ANLN: variants seen among roughly 807,000 people sequenced by gnomAD.
ANLN encodes the protein anillin, actin binding protein.
In ANLN, 59 loss-of-function variants were observed where a neutral mutation model predicts 135.1. The ratio of observed to expected loss-of-function variants is 0.44; its 90% CI spans 0.35 to 0.54. The LOEUF is 0.54. Ranked by LOEUF, ANLN falls within the 20% of genes least tolerant of loss-of-function variation. The probability of loss-of-function intolerance (pLI) is 0.00; values close to 1 mark genes in which losing one functional copy is unlikely to be tolerated. For missense variants in ANLN, 1,182 were observed against 1,340.0 expected, an observed-to-expected ratio of 0.88 and a Z score of 1.84; for synonymous variants, 406 against 456.4, an observed-to-expected ratio of 0.89 and a Z score of 1.41.
At chr7:36,431,495 TGTTA>T (rs1788304067) in intron 20 of ANLN, among the ~76,000 whole-genome samples, 1 of 150,844 alleles carries the variant, frequency 6.6e-6, no homozygotes, top group African/African-American at 2.4e-5. Flanking sequence ...CAGAAGTCAA[TGTTA>T]CTTTAGATAT....
rs1383805578 is a variant in ANLN, at chr7:36,452,494, A to G, written c.3269A>G (p.Asp1090Gly). Residue 1090 changes from aspartate to glycine, a missense_variant, in exon 24 of 24, where the codon GAT becomes GGT. By Grantham distance (94) the Asp-to-Gly change is moderately conservative. This residue lies in a region of ANLN where 78 missense variants were observed against 72.7 expected (regional missense o/e 1.07). Coordinates refer to ENST00000265748, the MANE Select transcript of ANLN (RefSeq NM_018685.5). ...LCVTKNWLSA[D>G]TKEERDLWMQ... ...TCCTGTAGGAACTGGCTGTCTGCAG[A>G]TACTAAAGAAGAGCGGGATCTCTGG... 1.2e-6 allele frequency: 2 copies of G among 1,614,064 alleles called. No individual in the cohort carries two copies. The highest frequency in any genetic ancestry group is 1.7e-5 in the Admixed American group (1 of 60,018).
At chr7:36,425,276 A>G (rs1788033772) in intron 17 of ANLN, among the ~76,000 whole-genome samples, 1 of 151,170 alleles carries the variant, frequency 6.6e-6, no homozygotes, top group Non-Finnish European at 1.5e-5. Context: ...TAATGTATTC[A>G]TATTTAAGAA....
At chr7:36,421,229 G>A (rs1258009430) in intron 12 of ANLN, among the ~76,000 whole-genome samples, 2 of 151,922 alleles carry the variant, frequency 1.3e-5, no homozygotes, top group African/African-American at 4.8e-5. Flanking sequence ...CACCACACCT[G>A]GCTAATTTTT....
At chr7:36,415,717 G>A (rs1787610723) in intron 7 of ANLN, 41 bp from the exon 8 acceptor site, 1 of 1,538,106 alleles carries the variant, frequency 6.5e-7, no homozygotes, top group Admixed American at 2.2e-5. Flanking sequence ...AAAATATATA[G>A]TTTTGAGAAA....
At chr7:36,432,297 G>T (rs1788363924) in intron 20 of ANLN, among the ~76,000 whole-genome samples, 1 of 152,176 alleles carries the variant, frequency 6.6e-6, no homozygotes, top group Non-Finnish European at 1.5e-5. Context: ...TTTCTTAATG[G>T]TGTCTGGGAA....
chr7:36,389,964 C>T lies in ANLN; in HGVS notation c.-63C>T. Reference sequence around the variant, plus strand: ...CCAGGAGACACACTGAGCTGAGACTCACTTTTCTCTTCCTGAATTTGAACC... The same window carrying T: ...CCAGGAGACACACTGAGCTGAGACTTACTTTTCTCTTCCTGAATTTGAACC... On this transcript the variant is annotated 5_prime_UTR_variant, in exon 1 of 24. Coordinates refer to ENST00000265748, the MANE Select transcript of ANLN (RefSeq NM_018685.5). 6.2e-7 allele frequency: 1 copy of T among 1,614,058 alleles called. No individual in the cohort carries two copies. Among genetic ancestry groups the T allele is most frequent in the South Asian group, 1.1e-5 (1 of 91,080 alleles).
intron 7 of ANLN, among the ~76,000 whole-genome samples, chr7:36,413,441 G>A (rs1253949603): frequency 3.3e-5 from 5 of 152,158 alleles, no homozygotes; most frequent in Admixed American, 2.0e-4. Flanking sequence ...TGTTGGGAGC[G>A]CCTTCTTTAC....
At position 36,452,637 on chromosome 7, in the gene ANLN, G is replaced by T; in HGVS notation, c.*37G>T. 1 of 1,605,918 alleles carries T rather than the reference G, an allele frequency of 6.2e-7. No homozygotes were observed. Among genetic ancestry groups the T allele is most frequent in the Non-Finnish European group, 8.5e-7 (1 of 1,174,866 alleles). On this transcript the variant is annotated 3_prime_UTR_variant, in exon 24 of 24. Coordinates refer to ENST00000265748, the MANE Select transcript of ANLN (RefSeq NM_018685.5). ...TCCATGCTATCTAGAGGTTTTTGAT[G>T]TCATCTTAAGAAACACACTTAAGAG... is the stretch of plus-strand genomic sequence containing the variant.
intron 20 of ANLN, among the ~76,000 whole-genome samples, chr7:36,432,094 C>T (rs1187306141): frequency 6.6e-6 from 1 of 152,120 alleles, no homozygotes; most frequent in East Asian, 1.9e-4. Context: ...TGGTGGTACA[C>T]ACCTGTAGCC....
At chr7:36,449,380 T>G (rs1009858945) in intron 22 of ANLN, 2 of 207,594 alleles carry the variant, frequency 9.6e-6, no homozygotes, top group Non-Finnish European at 1.9e-5. Context: ...TACCTGGGGC[T>G]CATTATACTG....
At chr7:36,392,019 A>G (rs1583584796) in intron 1 of ANLN, among the ~76,000 whole-genome samples, 1 of 152,124 alleles carries the variant, frequency 6.6e-6, no homozygotes, top group Non-Finnish European at 1.5e-5. Flanking sequence ...CATAACGTCA[A>G]GAGTTTGAAG....
At chr7:36,433,463 G>GTTT (rs34773574) in intron 20 of ANLN, among the ~76,000 whole-genome samples, 3 of 151,784 alleles carry the variant, frequency 2.0e-5, no homozygotes, top group African/African-American at 4.8e-5. Context: ...ATTCTTTTCT[G>GTTT]TTTTTTTATT....
rs756843420 is a variant in ANLN, at chr7:36,439,234, A to G, written c.2914A>G (p.Ile972Val). Reference sequence around the variant, plus strand: ...CTTTTTATCTTCTTTGGAAGGTCATATTTATTTAAAAATAAAATGTCAAGT... The same window carrying G: ...CTTTTTATCTTCTTTGGAAGGTCATGTTTATTTAAAAATAAAATGTCAAGT... Reference protein sequence around the residue: ...VPFLSSLEGHIYLKIKCQVNS... With the variant: ...VPFLSSLEGHVYLKIKCQVNS... The change falls in exon 21 of 24, where the codon ATT (isoleucine) becomes GTT (valine). Residue 972 changes from isoleucine to valine, a missense_variant. Coordinates refer to ENST00000265748, the MANE Select transcript of ANLN (RefSeq NM_018685.5). The G allele has an allele frequency of 2.5e-5, 40 of 1,596,652 alleles. No homozygotes were observed. The highest frequency in any genetic ancestry group is 3.3e-5 in the Non-Finnish European group (39 of 1,168,394).
At chr7:36,410,492 A>G in intron 5 of ANLN, 22 bp from the exon 6 acceptor site, 2 of 1,558,372 alleles carry the variant, frequency 1.3e-6, no homozygotes, top group Non-Finnish European at 1.7e-6. Flanking sequence ...ATAGCCTCCA[A>G]AAATGTGTGT....
intron 5 of ANLN, among the ~76,000 whole-genome samples, chr7:36,410,217 T>G (rs1382872454): frequency 1.3e-5 from 2 of 152,296 alleles, no homozygotes; most frequent in African/African-American, 4.8e-5. Flanking sequence ...ATTTAAATTC[T>G]GGTTGTTCAG....
At chr7:36,428,346 T>C (rs1216126470) in intron 20 of ANLN, 1 of 1,285,314 alleles carries the variant, frequency 7.8e-7, no homozygotes, top group East Asian at 5.6e-5. Context: ...ACTGGGCTAT[T>C]TGTTCCAGGA....
intron 20 of ANLN, among the ~76,000 whole-genome samples, chr7:36,429,443 A>G (rs545047765): frequency 1.5e-4 from 22 of 151,200 alleles, no homozygotes; most frequent in African/African-American, 4.1e-4. Flanking sequence ...CTAGTCTTGA[A>G]CTCCCAACCT....
At chr7:36,398,882 T>A (rs1786816477) in intron 2 of ANLN, among the ~76,000 whole-genome samples, 197 bp from the exon 3 acceptor site, 3 of 152,164 alleles carry the variant, frequency 2.0e-5, no homozygotes. Flanking sequence ...AAATTGTGTC[T>A]GCTTGAAAAG....
At chr7:36,393,118 G>A (rs1786552319) in intron 1 of ANLN, among the ~76,000 whole-genome samples, 1 of 151,462 alleles carries the variant, frequency 6.6e-6, no homozygotes, top group African/African-American at 2.4e-5. Context: ...CTGCCTCCCA[G>A]GTTCAAGTGA....
Sources: allele counts gnomAD v4.1 joint callset (sites outside exome capture counted in the v4.1 genomes callset), GRCh38; gene constraint gnomAD v4.1.1; regional missense constraint gnomAD v4.1.1; transcripts MANE v1.5; gene names NCBI Gene and HGNC (gene_info 2026-07-23, HGNC 2026-07-21).